Variants in MMP11 observed in about 807,000 individuals in gnomAD.
MMP11 encodes matrix metallopeptidase 11.
Under a neutral mutation model 49.5 loss-of-function variants are expected in MMP11, and 26 were observed. The ratio of observed to expected loss-of-function variants is 0.52; its 90% CI spans 0.38 to 0.73. The LOEUF (loss-of-function observed/expected upper bound fraction) is 0.73. MMP11 is among the 30% of genes least tolerant of loss of function. The pLI, the probability that MMP11 is intolerant of heterozygous loss-of-function variation, is 0.00. For missense variants in MMP11, 624 were observed against 671.2 expected, an observed-to-expected ratio of 0.93 and a Z score of 0.78; for synonymous variants, 265 against 282.3, an observed-to-expected ratio of 0.94 and a Z score of 0.62.
rs1569157195 is a variant in MMP11 at position 23,781,205 on chromosome 22, C to G, written c.871C>G (p.Pro291Ala). ...EIAPLEPDAP[P>A]DACEASFDAV... is the part of the protein sequence containing the mutation. ...TCTCCCACCCCAGCCAGACGCCCCG[C>G]CAGATGCCTGTGAGGCCTCCTTTGA... The change falls in exon 6 of 8, where the codon CCA becomes GCA. Residue 291 changes from proline to alanine, a missense_variant. Physicochemically the swap from Pro to Ala is conservative, Grantham distance 27. Transcript: ENST00000215743. 4 of 1,611,506 alleles carry G rather than the reference C, an allele frequency of 2.5e-6. No individual in the cohort carries two copies. The highest frequency in any genetic ancestry group is 3.4e-6 in the Non-Finnish European group (4 of 1,180,014).
Position 23,779,351 on chromosome 22 carries a change from C to T in MMP11, c.273C>T (p.Ala91=). The T allele has an allele frequency of 6.2e-7, 1 of 1,613,160 alleles. No homozygotes were observed. The highest frequency in any genetic ancestry group is 1.1e-5 in the South Asian group (1 of 91,002). ...GVPDPSDGLS[A]RNRQKRFVLS... ...CCGACCCATCTGATGGGCTGAGTGC[C>T]CGCAACCGACAGAAGAGGTTCGTGC... Residue 91 remains alanine (A), a synonymous_variant, in exon 2 of 8, where the codon GCC becomes GCT. Transcript: ENST00000215743.
At chr22:23,776,927 C>A (rs1246565022) in intron 1 of MMP11, among the ~76,000 whole-genome samples, 1 of 151,874 alleles carries the variant, frequency 6.6e-6, no homozygotes, top group South Asian at 2.1e-4. Context: ...CCTGCCTCAG[C>A]CTCCCGAATA....
In MMP11 at chr22:23,780,668, A is replaced by G; in HGVS notation, c.569A>G (p.Asp190Gly). 1 of 1,578,642 alleles carries G rather than the reference A, an allele frequency of 6.3e-7. No homozygotes were observed. Among genetic ancestry groups the G allele is most frequent in the Non-Finnish European group, 8.6e-7 (1 of 1,164,652 alleles). The change falls in exon 4 of 8, where the codon GAT becomes GGT. Residue 190 changes from aspartate (D) to glycine (G), a missense_variant. Physicochemically the swap from Asp to Gly is moderately conservative, Grantham distance 94. Transcript: ENST00000215743. This position sits in a 1 kb window ranked among gnomAD's most constrained non-coding sequence, Gnocchi z 4.6. Reference protein sequence around the residue: ...AFFPKTHREGDVHFDYDETWT... With the variant: ...AFFPKTHREGGVHFDYDETWT... The stretch of plus-strand genomic sequence containing the variant: ...TTCCCCAAGACTCACCGAGAAGGGG[A>G]TGTCCACTTCGACTATGATGAGACC...
At chr22:23,778,481 C>T (rs1027642544) in intron 1 of MMP11, among the ~76,000 whole-genome samples, 3 of 152,146 alleles carry the variant, frequency 2.0e-5, no homozygotes, top group Non-Finnish European at 4.4e-5. Flanking sequence ...GTACTCCTAG[C>T]CCTGGTGGGG....
At chr22:23,779,450 C>A in intron 2 of MMP11, 34 bp downstream of exon 2, 2 of 1,555,050 alleles carry the variant, frequency 1.3e-6, no homozygotes, top group Non-Finnish European at 1.8e-6. Flanking sequence ...TAGGATGCCA[C>A]CTGTGTGTCC....
intron 2 of MMP11, chr22:23,779,764 GC>G (rs1209056538): frequency 5.3e-6 from 2 of 375,852 alleles, no homozygotes; most frequent in Non-Finnish European, 9.7e-6. Context: ...GGCAGACACA[GC>G]CCCATCCTCT....
intron 1 of MMP11, among the ~76,000 whole-genome samples, chr22:23,773,909 C>A (rs1358475388): frequency 6.6e-6 from 1 of 152,108 alleles, no homozygotes; most frequent in African/African-American, 2.4e-5. Flanking sequence ...AGGCTGGGAC[C>A]CTCTGTCCAG....
At chr22:23,778,737 G>A (rs28363640) in intron 1 of MMP11, among the ~76,000 whole-genome samples, 24 of 152,364 alleles carry the variant, frequency 1.6e-4, no homozygotes, top group Middle Eastern at 3.4e-3. Flanking sequence ...ACAGGGACAG[G>A]AGCATGACCC....
At position 23,780,435 on chromosome 22, in the gene MMP11, G is replaced by T; in HGVS notation, c.415G>T (p.Asp139Tyr). The change falls in exon 3 of 8, where the codon GAT becomes TAT. Residue 139 changes from aspartate (D) to tyrosine (Y), a missense_variant. By Grantham distance (160) the Asp-to-Tyr change is radical. Coordinates refer to ENST00000215743, the MANE Select transcript of MMP11 (RefSeq NM_005940.5). This position sits in a 1 kb window ranked among gnomAD's most constrained non-coding sequence, Gnocchi z 4.6. The part of the protein sequence containing the change: ...TMAEALKVWS[D>Y]VTPLTFTEVH... ...GGCAGAGGCCCTAAAGGTATGGAGCGATGTGACGCCACTCACCTTTACTGA... is the reference window on the plus strand; with the variant it reads ...GGCAGAGGCCCTAAAGGTATGGAGCTATGTGACGCCACTCACCTTTACTGA... 1 of 1,614,066 alleles carries T rather than the reference G, an allele frequency of 6.2e-7. No homozygotes were observed. The highest frequency in any genetic ancestry group is 8.5e-7 in the Non-Finnish European group (1 of 1,180,036).
chr22:23,781,007 C>T lies in MMP11; in HGVS notation c.765C>T (p.His255=), dbSNP rs755822361. The change falls in exon 5 of 8, where the codon CAC becomes CAT. Residue 255 remains histidine (H), a synonymous_variant. Coordinates refer to ENST00000215743, the MANE Select transcript of MMP11 (RefSeq NM_005940.5). The part of the protein sequence containing the change: ...LSPDDCRGVQ[H]LYGQPWPTVT... ...CAGATGACTGCAGGGGCGTTCAACACCTATATGGCCAGCCCTGGCCCACTG... is the reference window on the plus strand; with the variant it reads ...CAGATGACTGCAGGGGCGTTCAACATCTATATGGCCAGCCCTGGCCCACTG... 3.7e-6 allele frequency: 6 copies of T among 1,613,098 alleles called. No homozygotes were observed. The African/African-American group carries it at 6.7e-5, about 18-fold the overall frequency.
intron 6 of MMP11, chr22:23,781,669 C>A (rs1414481432): frequency 9.3e-6 from 6 of 645,892 alleles, no homozygotes; most frequent in Non-Finnish European, 1.7e-5. Context: ...CCCTCAGCCA[C>A]CCCATGGGGC....
chr22:23,774,297 A>T (rs982160863), intron 1 of MMP11, among the ~76,000 whole-genome samples: 2 of 152,150 alleles, frequency 1.3e-5, no homozygotes, highest in Non-Finnish European at 2.9e-5. Context: ...TGTAGCTGCC[A>T]CTTTGACGCT....
chr22:23,774,756 A>C (rs768013158), intron 1 of MMP11, among the ~76,000 whole-genome samples: 2 of 152,008 alleles, frequency 1.3e-5, no homozygotes, highest in Non-Finnish European at 2.9e-5. Flanking sequence ...AGCTATGATT[A>C]ATTATACCCA....
chr22:23,780,664 G>A lies in MMP11; in HGVS notation c.565G>A (p.Gly189Arg), dbSNP rs1927585281. 6.3e-7 allele frequency: 1 copy of A among 1,580,912 alleles called. No individual in the cohort carries two copies. The highest frequency in any genetic ancestry group is 8.6e-7 in the Non-Finnish European group (1 of 1,165,760). Residue 189 changes from glycine (G) to arginine (R), a missense_variant, in exon 4 of 8, where the codon GGG becomes AGG. Transcript: ENST00000215743. The surrounding 1 kb of genome is among the most constrained non-coding windows in gnomAD (Gnocchi z 4.6). ...HAFFPKTHREGDVHFDYDETW... is the reference protein window; with the variant it reads ...HAFFPKTHRERDVHFDYDETW... ...CTTCTTCCCCAAGACTCACCGAGAA[G>A]GGGATGTCCACTTCGACTATGATGA...
At position 23,774,275 on chromosome 22, in the gene MMP11, A is replaced by G. The variant is rs28363618; in HGVS notation, c.108+1297A>G. 7.5e-3 allele frequency among the ~76,000 whole-genome samples: 1,136 copies of G among 152,218 alleles called. 12 individuals are homozygous for G. The highest frequency in any genetic ancestry group is 0.025 in the African/African-American group (1,030 of 41,528). ...ATGAGGTGATGCCAGGCTCACTAGA[A>G]ACACTGTCACCTGTAGCTGCCACTT... On this transcript the variant is annotated intron_variant, in intron 1 of 7. Transcript: ENST00000215743.
intron 6 of MMP11, 55 bp downstream of exon 6, chr22:23,781,464 G>A: frequency 6.7e-7 from 1 of 1,489,972 alleles, no homozygotes; most frequent in Non-Finnish European, 9.1e-7. Flanking sequence ...GGAATGTTAT[G>A]GCCAAGGGCA....
Position 23,783,453 on chromosome 22 carries a change from A to T in MMP11, c.1376A>T (p.Asp459Val). The T allele has an allele frequency of 6.2e-7, 1 of 1,613,908 alleles. No individual in the cohort carries two copies. Among genetic ancestry groups the T allele is most frequent in the South Asian group, 1.1e-5 (1 of 91,042 alleles). ...FLRGRLYWKF[D>V]PVKVKALEGF... ...CGCGGCCGCCTCTACTGGAAGTTTG[A>T]CCCTGTGAAGGTGAAGGCTCTGGAA... The change falls in exon 8 of 8, where the codon GAC (aspartate) becomes GTC (valine). Residue 459 changes from aspartate to valine, a missense_variant. Asp to Val is a radical substitution (Grantham distance 152, BLOSUM62 -3). Coordinates refer to ENST00000215743, the MANE Select transcript of MMP11 (RefSeq NM_005940.5).
rs1927673700 is a variant in MMP11 at position 23,782,428 on chromosome 22, C to T, written c.1278C>T (p.Ala426=). The change falls in exon 7 of 8, where the codon GCC becomes GCT. Residue 426 remains alanine, a synonymous_variant. Coordinates refer to ENST00000215743, the MANE Select transcript of MMP11 (RefSeq NM_005940.5). ...TAGACAGTCCCGTGCCCCGCAGGGC[C>T]ACTGACTGGAGAGGGGTGCCCTCTG... ...RRVDSPVPRR[A]TDWRGVPSEI... The T allele has an allele frequency of 2.5e-6, 4 of 1,613,706 alleles. No individual in the cohort carries two copies. Among genetic ancestry groups the T allele is most frequent in the Non-Finnish European group, 3.4e-6 (4 of 1,179,970 alleles).
rs1417299265 is a variant in MMP11, at chr22:23,782,105, A to G, written c.1076-121A>G. On this transcript the variant is annotated intron_variant, in intron 6 of 7. Coordinates refer to ENST00000215743, the MANE Select transcript of MMP11 (RefSeq NM_005940.5). ...TGCTGAGCAGGCATTATTGGCCTGC[A>G]TGTTTTACTGATGAGGAAACTGAGG... The G allele has an allele frequency of 3.5e-6, 5 of 1,434,920 alleles. No homozygotes were observed. The East Asian group carries it at 6.9e-5, about 20-fold the overall frequency. 88.9% of individuals were successfully genotyped at this position (1,434,920 alleles called of 1,614,324 possible).
Sources: gnomAD v4.1 joint callset for allele counts (sites outside exome capture counted in the v4.1 genomes callset) on GRCh38, gnomAD v4.1.1 for gene constraint, Gnocchi (gnomAD v3.1) non-coding constraint, MANE v1.5 for transcripts, NCBI Gene and HGNC (gene_info 2026-07-23, HGNC 2026-07-21) for gene names.